The following ZNF671 variants were observed in gnomAD, a reference collection of about 807,000 sequenced individuals.
The protein encoded by ZNF671 is hypothetical protein FLJ23506.
Under a neutral mutation model 16.6 loss-of-function variants are expected in ZNF671, and 19 were observed. The ratio of observed to expected loss-of-function variants is 1.14; its 90% confidence interval spans 0.80 to 1.68. ZNF671 has a LOEUF of 1.68. Among genes scored for constraint, ZNF671 ranks in the 40% most tolerant of loss-of-function variants. ZNF671 has a pLI of 0.00. For synonymous variants in ZNF671, 238 were observed against 236.3 expected (o/e 1.01, Z -0.06); for missense variants, 637 against 659.8 (o/e 0.97, Z 0.38).
At position 57,720,776 on chromosome 19, in the gene ZNF671, C is replaced by T. The variant is rs140818535; in HGVS notation, c.1310G>A (p.Ser437Asn). 1.9e-6 allele frequency: 3 copies of T among 1,614,206 alleles called. No homozygotes were observed. Among genetic ancestry groups the T allele is most frequent in the Non-Finnish European group, 2.5e-6 (3 of 1,180,034 alleles). Residue 437 changes from serine (S) to asparagine (N), a missense_variant, in exon 4 of 4, where the codon AGC (serine) becomes AAC (asparagine). Coordinates refer to ENST00000317398, the MANE Select transcript of ZNF671 (RefSeq NM_024833.3). The stretch of plus-strand genomic sequence containing the variant: ...TCTCCAGTGTACATTAAGGTGGGAG[C>T]TTTGGCTAAAGGCCTTCCCACATTC... ...CSECGKAFSQSSHLNVHWRIH... is the reference protein window; with the variant it reads ...CSECGKAFSQNSHLNVHWRIH...
rs113155171 is a variant in ZNF671, at chr19:57,727,456, G to T, written c.73C>A (p.Arg25Ser). The change falls in exon 1 of 4, where the codon CGC becomes AGC. Residue 25 changes from arginine to serine, a missense_variant. Arg to Ser is a moderately radical substitution (Grantham distance 110). Coordinates refer to ENST00000317398, the MANE Select transcript of ZNF671 (RefSeq NM_024833.3). ...GRKCLRPRSR[R>S]LPLPAAVRAH... is the part of the protein sequence containing the mutation. Reference sequence around the variant, plus strand: ...CGGACAGCTGCCGGGAGCGGCAGGCGTCTCGATCGGGGACGCAGGCACTTC... The same window carrying T: ...CGGACAGCTGCCGGGAGCGGCAGGCTTCTCGATCGGGGACGCAGGCACTTC... The T allele has an allele frequency of 7.4e-6, 12 of 1,612,828 alleles. No individual in the cohort carries two copies. The African/African-American group carries it at 1.3e-4, about 18-fold the overall frequency.
chr19:57,723,718 C>T (rs1285008064), intron 1 of ZNF671, among the ~76,000 whole-genome samples: 1 of 151,898 alleles, frequency 6.6e-6, no homozygotes, highest in East Asian at 1.9e-4. Flanking sequence ...ACATCTCCAG[C>T]TTCCCCCCCA....
rs766702918 is a variant in ZNF671, at chr19:57,721,576, G to A, written c.510C>T (p.Gly170=). The change falls in exon 4 of 4, where the codon GGC becomes GGT. Residue 170 remains glycine (G), a synonymous_variant. Coordinates refer to ENST00000317398, the MANE Select transcript of ZNF671 (RefSeq NM_024833.3). The part of the protein sequence containing the change: ...ELESHPCDIC[G]PILKDTLHLA... ...GGTGTAAGGTATCTTTCAATATTGG[G>A]CCACATATGTCACATGGGTGAGACT... 4 of 1,614,146 alleles carry A rather than the reference G, an allele frequency of 2.5e-6. No homozygotes were observed. The highest frequency in any genetic ancestry group is 3.4e-6 in the Non-Finnish European group (4 of 1,180,026).
Position 57,727,498 on chromosome 19 carries a change from C to T in ZNF671, c.31G>A (p.Asp11Asn). The change falls in exon 1 of 4, where the codon GAT (aspartate) becomes AAT (asparagine). Residue 11 changes from aspartate to asparagine, a missense_variant. Transcript: ENST00000317398. MLSPVSRDAS[D>N]ALQGRKCLRP... Reference sequence around the variant, plus strand: ...AGGCACTTCCGTCCCTGCAGAGCATCAGACGCGTCTCGGGACACTGGGGAC... The same window carrying T: ...AGGCACTTCCGTCCCTGCAGAGCATTAGACGCGTCTCGGGACACTGGGGAC... The T allele has an allele frequency of 6.2e-7, 1 of 1,612,660 alleles. No homozygotes were observed. The highest frequency in any genetic ancestry group is 8.5e-7 in the Non-Finnish European group (1 of 1,179,164).
At position 57,727,464 on chromosome 19, in the gene ZNF671, C is replaced by A. The variant is rs879083287; in HGVS notation, c.65G>T (p.Arg22Leu). 4 of 1,613,040 alleles carry A rather than the reference C, an allele frequency of 2.5e-6. No homozygotes were observed. The highest frequency in any genetic ancestry group is 2.2e-5 in the South Asian group (2 of 91,020). ...TGCCGGGAGCGGCAGGCGTCTCGAT[C>A]GGGGACGCAGGCACTTCCGTCCCTG... is the stretch of plus-strand genomic sequence containing the variant. ...ALQGRKCLRPRSRRLPLPAAV... is the reference protein window; with the variant it reads ...ALQGRKCLRPLSRRLPLPAAV... Residue 22 changes from arginine to leucine, a missense_variant, in exon 1 of 4, where the codon CGA (arginine) becomes CTA (leucine). Transcript: ENST00000317398.
rs757161686 is a variant in ZNF671 at position 57,720,930 on chromosome 19, G to GA, written c.1155dup (p.Arg386SerfsTer41). 1.9e-6 allele frequency: 3 copies of GA among 1,613,936 alleles called. No homozygotes were observed. Among genetic ancestry groups the GA allele is most frequent in the Non-Finnish European group, 2.5e-6 (3 of 1,179,990 alleles). On this transcript the variant is annotated frameshift_variant, in exon 4 of 4. Transcript: ENST00000317398. LOFTEE classifies it low-confidence loss of function (END_TRUNC). Reference sequence around the variant, plus strand: ...GCTCCTGTGTGAACTTCCTGGTGTCGAATGAGATTAGACTTACTGCTAAAA... The same window carrying GA: ...GCTCCTGTGTGAACTTCCTGGTGTCGAAATGAGATTAGACTTACTGCTAAAA...
chr19:57,722,501 G>C (rs1210991478), intron 2 of ZNF671, 63 bp from the exon 3 acceptor site: 21 of 1,596,554 alleles, frequency 1.3e-5, no homozygotes, highest in Non-Finnish European at 1.6e-5. Flanking sequence ...CCCTATGATG[G>C]ACTTCAGGTA....
rs758706741 is a variant in ZNF671, at chr19:57,727,377, G to A, written c.138+14C>T. On this transcript the variant is annotated intron_variant, in intron 1 of 3. Transcript: ENST00000317398. ...AGAAAGGGTGACTGAGGGCCCGGAG[G>A]ACGCAGCACCCACCCGCGCGGAGTC... 2 of 1,585,270 alleles carry A rather than the reference G, an allele frequency of 1.3e-6. No homozygotes were observed. The highest frequency in any genetic ancestry group is 1.7e-5 in the Admixed American group (1 of 57,938).
intron 2 of ZNF671, 34 bp downstream of exon 2, chr19:57,723,180 G>A (rs1441340836): frequency 1.3e-6 from 2 of 1,578,146 alleles, no homozygotes; most frequent in Non-Finnish European, 8.6e-7. Context: ...AGGAAGAACA[G>A]AGTGGTAAAG....
chr19:57,720,421 C>G lies in ZNF671; in HGVS notation c.*60G>C. 1 of 1,561,578 alleles carries G rather than the reference C, an allele frequency of 6.4e-7. No homozygotes were observed. The highest frequency in any genetic ancestry group is 1.2e-5 in the South Asian group (1 of 83,254). The stretch of plus-strand genomic sequence containing the variant: ...TGCACTCATTAACTACTGCTAGTTC[C>G]CCACCATATAGTAAGTCAGGGGCAT... On this transcript the variant is annotated 3_prime_UTR_variant, in exon 4 of 4. Transcript: ENST00000317398.
In ZNF671 at chr19:57,721,240, C is replaced by A; in HGVS notation, c.846G>T (p.Gln282His). 1 of 1,597,376 alleles carries A rather than the reference C, an allele frequency of 6.3e-7. No individual in the cohort carries two copies. The highest frequency in any genetic ancestry group is 2.2e-5 in the East Asian group (1 of 44,680). ...TKLVSGFLMGQRYHRCGECGK... is the reference protein window; with the variant it reads ...TKLVSGFLMGHRYHRCGECGK... ...CACATTCACCACACCTGTGATACCT[C>A]TGTCCCATGAGAAAGCCACTCACAA... The change falls in exon 4 of 4, where the codon CAG becomes CAT. Residue 282 changes from glutamine (Q) to histidine (H), a missense_variant. Gln to His is a conservative substitution (Grantham distance 24, BLOSUM62 0). Coordinates refer to ENST00000317398, the MANE Select transcript of ZNF671 (RefSeq NM_024833.3).
chr19:57,723,809 T>A (rs951548429), intron 1 of ZNF671, among the ~76,000 whole-genome samples: 1 of 143,702 alleles, frequency 7.0e-6, no homozygotes, highest in Non-Finnish European at 1.5e-5. Context: ...CGAAGGCAGA[T>A]CACGAGGTCA....
At position 57,727,563 on chromosome 19, in the gene ZNF671, C is replaced by A; in HGVS notation, c.-35G>T. 1 of 1,578,446 alleles carries A rather than the reference C, an allele frequency of 6.3e-7. No homozygotes were observed. Among genetic ancestry groups the A allele is most frequent in the South Asian group, 1.1e-5 (1 of 88,568 alleles). On this transcript the variant is annotated 5_prime_UTR_variant, in exon 1 of 4. Transcript: ENST00000317398. The stretch of plus-strand genomic sequence containing the variant: ...GCTTTCCCAACACCTCCACCTGCGG[C>A]CCACACAAGCGTTACAGAACCCCGG...
intron 1 of ZNF671, among the ~76,000 whole-genome samples, chr19:57,726,403 A>G (rs1438612420): frequency 6.6e-6 from 1 of 152,062 alleles, no homozygotes; most frequent in Non-Finnish European, 1.5e-5. Context: ...CACACCACCC[A>G]TCGTTGCCAT....
chr19:57,722,501 G>T, intron 2 of ZNF671, 63 bp from the exon 3 acceptor site: 1 of 1,596,672 alleles, frequency 6.3e-7, no homozygotes, highest in Non-Finnish European at 8.5e-7. Context: ...CCCTATGATG[G>T]ACTTCAGGTA....
At position 57,720,337 on chromosome 19, in the gene ZNF671, G is replaced by A; in HGVS notation, c.*144C>T. The A allele has an allele frequency of 8.6e-7, 1 of 1,161,030 alleles. No individual in the cohort carries two copies. Among genetic ancestry groups the A allele is most frequent in the African/African-American group, 1.5e-5 (1 of 64,646 alleles). 71.9% of individuals were successfully genotyped at this position (1,161,030 alleles called of 1,614,324 possible). On this transcript the variant is annotated 3_prime_UTR_variant, in exon 4 of 4. Coordinates refer to ENST00000317398, the MANE Select transcript of ZNF671 (RefSeq NM_024833.3). ...TAGACTGCTAAGGCCTGTGTCCGGT[G>A]TGAAATTCCCAATGGCGGGTAAGGT...
chr19:57,726,660 G>A (rs1397139268), intron 1 of ZNF671, among the ~76,000 whole-genome samples: 1 of 152,018 alleles, frequency 6.6e-6, no homozygotes, highest in Non-Finnish European at 1.5e-5. Flanking sequence ...TCACCCCAAA[G>A]ATATTCTAAG....
Position 57,720,170 on chromosome 19 carries a change from T to C in ZNF671, c.*311A>G, listed in dbSNP as rs1985798148. ...CAGCTGCTGAAAGCATCTCACATAC[T>C]TGACACTCACAGGGAATCTCCCCAG... On this transcript the variant is annotated 3_prime_UTR_variant, in exon 4 of 4. Transcript: ENST00000317398. The C allele has an allele frequency of 2.7e-6, 1 of 367,066 alleles. No homozygotes were observed. Among genetic ancestry groups the C allele is most frequent in the Non-Finnish European group, 5.0e-6 (1 of 199,388 alleles). 22.7% of individuals were successfully genotyped at this position (367,066 alleles called of 1,614,324 possible).
In ZNF671 at chr19:57,722,439, C is replaced by T. The variant is rs766298437; in HGVS notation, c.266-1G>A. 2 of 1,613,320 alleles carry T rather than the reference C, an allele frequency of 1.2e-6. No homozygotes were observed. Among genetic ancestry groups the T allele is most frequent in the South Asian group, 1.1e-5 (1 of 91,080 alleles). On this transcript the variant is annotated splice_acceptor_variant, in intron 2 of 3. Coordinates refer to ENST00000317398, the MANE Select transcript of ZNF671 (RefSeq NM_024833.3). LOFTEE classifies it high-confidence loss of function. The stretch of plus-strand genomic sequence containing the variant: ...GCACGTGATCTGGAAAATGCAATTC[C>T]TAAGGGAAAGTCAGAACAGGTGAGC...
Sources: gnomAD v4.1 joint callset for allele counts (sites outside exome capture counted in the v4.1 genomes callset) on GRCh38, gnomAD v4.1.1 for gene constraint, MANE v1.5 for transcripts, NCBI Gene and HGNC (gene_info 2026-07-23, HGNC 2026-07-21) for gene names.